Variants in MACROD2 observed in about 807,000 individuals in gnomAD.
The protein encoded by MACROD2 is ADP-ribose glycohydrolase MACROD2.
MACROD2 carries 36 observed loss-of-function variants against 70.4 expected under a neutral mutation model. The ratio of observed to expected loss-of-function variants is 0.51; its 90% CI spans 0.39 to 0.68. MACROD2 has a LOEUF of 0.68. Ranked by LOEUF, MACROD2 falls within the 30% of genes least tolerant of loss-of-function variation. The pLI is 0.00. For missense variants in MACROD2, 496 were observed against 538.4 expected, an observed-to-expected ratio of 0.92 and a Z score of 0.78; for synonymous variants, 172 against 178.8, an observed-to-expected ratio of 0.96 and a Z score of 0.30.
At chr20:15,705,432 T>A (rs1308602142) in intron 8 of MACROD2, among the ~76,000 whole-genome samples, 2 of 152,212 alleles carry the variant, frequency 1.3e-5, no homozygotes, top group African/African-American at 2.4e-5. Context: ...CAAAGCATTT[T>A]TTTTTTAAAT....
intron 8 of MACROD2, among the ~76,000 whole-genome samples, chr20:15,734,716 C>T (rs975041413): frequency 2.0e-5 from 3 of 152,134 alleles, no homozygotes; most frequent in Non-Finnish European, 4.4e-5. Context: ...GCATATGTGT[C>T]TATATATAGA....
At chr20:14,009,952 CA>C (rs2052878752) in intron 2 of MACROD2, among the ~76,000 whole-genome samples, 1 of 152,106 alleles carries the variant, frequency 6.6e-6, no homozygotes, top group African/African-American at 2.4e-5. Context: ...TGGGGAGTAA[CA>C]CACACTGGGC....
intron 8 of MACROD2, among the ~76,000 whole-genome samples, chr20:15,858,338 G>GAAT (rs2064381903): frequency 3.9e-5 from 6 of 152,070 alleles, no homozygotes; most frequent in African/African-American, 1.2e-4. Flanking sequence ...ATTCTTATAG[G>GAAT]TTCTCATGAA....
intron 8 of MACROD2, among the ~76,000 whole-genome samples, chr20:15,563,846 A>G (rs2048276466): frequency 6.6e-6 from 1 of 152,226 alleles, no homozygotes; most frequent in Non-Finnish European, 1.5e-5. Context: ...AAGCAGGGTA[A>G]GGATGAAGGA....
intron 8 of MACROD2, among the ~76,000 whole-genome samples, chr20:15,714,218 A>G (rs1026523410): frequency 8.5e-5 from 13 of 152,178 alleles, no homozygotes; most frequent in Non-Finnish European, 2.9e-5. Context: ...CAACCACAGA[A>G]CTAAGATGAT....
chr20:14,717,678 T>A (rs1200692949), intron 5 of MACROD2, among the ~76,000 whole-genome samples: 1 of 151,978 alleles, frequency 6.6e-6, no homozygotes, highest in African/African-American at 2.4e-5. Flanking sequence ...GATATGCAAG[T>A]GAGGATTTGG....
intron 3 of MACROD2, among the ~76,000 whole-genome samples, chr20:14,244,940 T>C (rs2122246153): frequency 6.6e-6 from 1 of 152,344 alleles, no homozygotes; most frequent in Non-Finnish European, 1.5e-5. Flanking sequence ...AAACATTTTG[T>C]TTATTGAGCC....
chr20:15,801,200 A>AGAAAAG (rs1555781104), intron 8 of MACROD2, among the ~76,000 whole-genome samples: 2 of 137,820 alleles, frequency 1.5e-5, no homozygotes, highest in Admixed American at 7.4e-5. Context: ...AAAAAAAAAA[A>AGAAAAG]AAAACGAAAA....
At chr20:14,006,826 A>G (rs970385417) in intron 2 of MACROD2, among the ~76,000 whole-genome samples, 1 of 152,112 alleles carries the variant, frequency 6.6e-6, no homozygotes, top group Non-Finnish European at 1.5e-5. Context: ...ATCATTGAAC[A>G]TGTTCCTCTG....
At chr20:14,163,051 A>T in intron 3 of MACROD2, among the ~76,000 whole-genome samples, 1 of 151,496 alleles carries the variant, frequency 6.6e-6, no homozygotes, top group East Asian at 1.9e-4. Flanking sequence ...TGGTTTTTAT[A>T]TTTTCATATG....
In MACROD2 at chr20:15,915,869, A is replaced by G. The variant is rs1156933192; in HGVS notation, c.776-17407A>G. Among the ~76,000 whole-genome samples, 37 of 152,240 alleles carry G rather than the reference A, an allele frequency of 2.4e-4. 1 individual carries two copies. ...GTGAAGAGTTTGACTTGCCAGAGCT[A>G]ATTCTTTGTAGGCAATATTAGGGTT... On this transcript the variant is annotated intron_variant, in intron 10 of 17. Coordinates refer to ENST00000684519, the MANE Select transcript of MACROD2 (RefSeq NM_001351661.2).
intron 5 of MACROD2, among the ~76,000 whole-genome samples, chr20:14,720,222 T>G (rs1224894710): frequency 6.6e-6 from 1 of 152,224 alleles, no homozygotes; most frequent in Middle Eastern, 3.2e-3. Context: ...ACCTAAATGA[T>G]CTTTAGAATA....
At chr20:14,038,576 G>T (rs895701904) in intron 2 of MACROD2, among the ~76,000 whole-genome samples, 2 of 152,108 alleles carry the variant, frequency 1.3e-5, no homozygotes, top group Non-Finnish European at 2.9e-5. Context: ...AGCATTGCTG[G>T]TGTGTTTATG....
intron 8 of MACROD2, among the ~76,000 whole-genome samples, chr20:15,684,566 G>T (rs575433820): frequency 1.2e-3 from 186 of 152,232 alleles, no homozygotes; most frequent in African/African-American, 4.2e-3. Flanking sequence ...TCTGATTTTT[G>T]ATCCATATTG....
At chr20:15,036,019 C>T (rs551770671) in intron 5 of MACROD2, among the ~76,000 whole-genome samples, 1 of 152,206 alleles carries the variant, frequency 6.6e-6, no homozygotes, top group African/African-American at 2.4e-5. Flanking sequence ...CTACTTGAAA[C>T]AGAGGAGCCA....
rs2072438354 is a variant in MACROD2 at position 14,790,577 on chromosome 20, A to G, written c.418+105618A>G. Among the ~76,000 whole-genome samples the G allele has an allele frequency of 2.0e-5, 3 of 152,114 alleles. No homozygotes were observed. The South Asian group carries it at 6.2e-4, about 31-fold the overall frequency. On this transcript the variant is annotated intron_variant, in intron 5 of 17. Transcript: ENST00000684519. ...ATTGTGCTGAGGCTTTTCAGGGATT[A>G]ATTAAGGGGCTGTGAATAGTGTAGG... is the stretch of plus-strand genomic sequence containing the variant.
intron 5 of MACROD2, among the ~76,000 whole-genome samples, chr20:15,109,786 C>T (rs1184933309): frequency 6.6e-6 from 1 of 152,164 alleles, no homozygotes; most frequent in Non-Finnish European, 1.5e-5. Flanking sequence ...AATCGGCATA[C>T]TCAATCATTC....
At chr20:14,678,527 T>C (rs985978344) in intron 4 of MACROD2, among the ~76,000 whole-genome samples, 1 of 152,166 alleles carries the variant, frequency 6.6e-6, no homozygotes, top group African/African-American at 2.4e-5. Flanking sequence ...CTCTAGAAGA[T>C]TGTATTCCAC....
At chr20:15,882,458 C>T (rs1236579336) in intron 9 of MACROD2, among the ~76,000 whole-genome samples, 1 of 152,062 alleles carries the variant, frequency 6.6e-6, no homozygotes, top group Admixed American at 6.6e-5. Flanking sequence ...TGGTTACATT[C>T]TCAGCTTTCT....
Sources: gnomAD v4.1 joint callset for allele counts (sites outside exome capture counted in the v4.1 genomes callset) on GRCh38, gnomAD v4.1.1 for gene constraint, MANE v1.5 for transcripts, NCBI Gene and HGNC (gene_info 2026-07-23, HGNC 2026-07-21) for gene names.